The following RFPL1 variants were observed in gnomAD, a reference collection of about 807,000 sequenced individuals.
The protein encoded by RFPL1 is ret finger protein like 1.
In RFPL1, 6 loss-of-function variants were observed where a neutral mutation model predicts 9.6. The ratio of observed to expected loss-of-function variants is 0.62; its 90% CI spans 0.34 to 1.23. The LOEUF is 1.23. Among genes scored for constraint, RFPL1 ranks in the 50% most tolerant of loss-of-function variants. The pLI, the probability that RFPL1 is intolerant of heterozygous loss-of-function variation, is 0.03. For missense variants in RFPL1, 352 were observed against 398.4 expected (o/e 0.88, Z 0.99); for synonymous variants, 145 against 149.4 (o/e 0.97, Z 0.22).
chr22:29,401,423 GT>G, the RFPL1 span, among the ~76,000 whole-genome samples: 1 of 152,228 alleles, frequency 6.6e-6, no homozygotes. Flanking sequence ...CCATTTCAAT[GT>G]GACACTTAAA....
the RFPL1 span, among the ~76,000 whole-genome samples, chr22:29,403,830 A>G: frequency 6.6e-6 from 1 of 152,232 alleles, no homozygotes; most frequent in South Asian, 2.1e-4. Context: ...GCTGGTGGAA[A>G]TGCAAAATGG....
the RFPL1 span, among the ~76,000 whole-genome samples, chr22:29,425,018 C>G: frequency 6.6e-6 from 1 of 151,836 alleles, no homozygotes; most frequent in South Asian, 2.1e-4. Flanking sequence ...TCCTGGCTAA[C>G]ACAGTGAAAC....
At chr22:29,420,157 C>T in the RFPL1 span, among the ~76,000 whole-genome samples, 5 of 152,332 alleles carry the variant, frequency 3.3e-5, no homozygotes, top group South Asian at 1.0e-3. Context: ...GGTTGCTCAG[C>T]TCTGAAAATG....
At chr22:29,416,541 G>A in the RFPL1 span, among the ~76,000 whole-genome samples, 1 of 152,152 alleles carries the variant, frequency 6.6e-6, no homozygotes, top group East Asian at 1.9e-4. Context: ...TTGATATCTG[G>A]GAGATGCTGA....
At chr22:29,421,966 G>A in the RFPL1 span, among the ~76,000 whole-genome samples, 2 of 152,124 alleles carry the variant, frequency 1.3e-5, no homozygotes, top group Non-Finnish European at 2.9e-5. Flanking sequence ...GGCAGACTTC[G>A]GGTCCTGGAT....
the RFPL1 span, among the ~76,000 whole-genome samples, chr22:29,410,329 G>GAT: frequency 9.8e-6 from 1 of 101,746 alleles, no homozygotes; most frequent in Non-Finnish European, 1.8e-5. Flanking sequence ...TATATATGTA[G>GAT]ATATATAGAT....
At chr22:29,439,154 G>T (rs746023632) in exon 1 of RFPL1, 26 of 1,613,944 alleles carry the variant, frequency 1.6e-5, no homozygotes, top group Non-Finnish European at 2.1e-5. Context: ...CAAGGATGCG[G>T]AAGTTCCAAG....
the RFPL1 span, among the ~76,000 whole-genome samples, chr22:29,393,600 G>A: frequency 3.3e-5 from 5 of 151,978 alleles, no homozygotes; most frequent in Non-Finnish European, 5.9e-5. Flanking sequence ...TGGGTGCCCC[G>A]GCCCTCTGAG....
At chr22:29,404,711 A>G in the RFPL1 span, among the ~76,000 whole-genome samples, 36 of 152,308 alleles carry the variant, frequency 2.4e-4, no homozygotes, top group African/African-American at 8.7e-4. Flanking sequence ...TAAAATGGAG[A>G]TACTTGTAAC....
At chr22:29,442,037 A>C in exon 2 of RFPL1, 1 of 1,613,978 alleles carries the variant, frequency 6.2e-7, no homozygotes, top group Non-Finnish European at 8.5e-7. Flanking sequence ...AGTCCACCTA[A>C]TGGTGATAAG....
chr22:29,437,686 C>A (rs181183010), upstream of RFPL1: 2,562 of 1,585,910 alleles, frequency 1.6e-3, 96 homozygotes, highest in Admixed American at 0.047. Context: ...GACCTGAGCG[C>A]CCAGTGGAAG....
At chr22:29,398,940 C>G in the RFPL1 span, among the ~76,000 whole-genome samples, 1 of 152,204 alleles carries the variant, frequency 6.6e-6, no homozygotes, top group Non-Finnish European at 1.5e-5. Flanking sequence ...GCCACACTGT[C>G]TCTTGACTCC....
chr22:29,427,882 G>T, the RFPL1 span, among the ~76,000 whole-genome samples: 1 of 152,218 alleles, frequency 6.6e-6, no homozygotes, highest in East Asian at 1.9e-4. Context: ...CTGCCCTTTG[G>T]TCAAACAACC....
the RFPL1 span, among the ~76,000 whole-genome samples, chr22:29,407,079 TTGTGTGTGTGTG>T: frequency 0.013 from 1,840 of 145,834 alleles, 36 homozygotes; most frequent in African/African-American, 0.041. Context: ...AGTTGTTCTT[TTGTGTGTGTGTG>T]TGTGTGTGTG....
chr22:29,437,815 C>T (rs867338110), upstream of RFPL1: 16 of 1,335,252 alleles, frequency 1.2e-5, no homozygotes, highest in Middle Eastern at 2.5e-4. Context: ...GAGAGAAATT[C>T]GTAATTAATG....
At chr22:29,411,452 C>CT in the RFPL1 span, among the ~76,000 whole-genome samples, 1 of 152,284 alleles carries the variant, frequency 6.6e-6, no homozygotes, top group African/African-American at 2.4e-5. Context: ...AGAACAAGTG[C>CT]TTTGTCACCA....
At chr22:29,404,385 G>A in the RFPL1 span, among the ~76,000 whole-genome samples, 5 of 152,266 alleles carry the variant, frequency 3.3e-5, no homozygotes, top group African/African-American at 1.2e-4. Flanking sequence ...AATTGATTGT[G>A]CATTATGTAG....
At chr22:29,423,164 T>C in the RFPL1 span, 1 of 1,486,834 alleles carries the variant, frequency 6.7e-7, no homozygotes, top group Non-Finnish European at 9.4e-7. Flanking sequence ...TCAGTCATTT[T>C]GGTCCCTTAT....
chr22:29,440,569 TTC>T (rs2062833319), intron 1 of RFPL1: 1 of 152,056 alleles, frequency 6.6e-6, no homozygotes, highest in African/African-American at 2.4e-5. Flanking sequence ...ACGAACAACT[TTC>T]TTTTTTTTTT....
Sources: allele counts gnomAD v4.1 joint callset (sites outside exome capture counted in the v4.1 genomes callset), GRCh38; gene constraint gnomAD v4.1.1; transcripts MANE v1.5; gene names NCBI Gene and HGNC (gene_info 2026-07-23, HGNC 2026-07-21).